MRTFB: variants seen among roughly 807,000 people sequenced by gnomAD.
MRTFB encodes myocardin related transcription factor B, also known as myocardin-related transcription factor B.
MRTFB carries 29 observed loss-of-function variants against 104.2 expected under a neutral mutation model. That is an observed-to-expected ratio of 0.28 (90% CI 0.21 to 0.38). The LOEUF (loss-of-function observed/expected upper bound fraction) is 0.38. Among genes scored for constraint, MRTFB ranks in the 10% least tolerant of loss-of-function variants. The pLI is 1.00. For missense variants in MRTFB, 1,270 were observed against 1,341.6 expected (o/e 0.95, Z 0.83); for synonymous variants, 535 against 519.5 (o/e 1.03, Z -0.41).
intron 2 of MRTFB, among the ~76,000 whole-genome samples, chr16:14,121,245 C>T (rs1040692600): frequency 5.2e-4 from 78 of 148,900 alleles, no homozygotes; most frequent in African/African-American, 1.5e-3. Context: ...ATTTTTTCCC[C>T]TTTCTACTTT....
chr16:13,998,870 T>TAAA, the MRTFB span, among the ~76,000 whole-genome samples: 1 of 24,728 alleles, frequency 4.0e-5, no homozygotes, highest in East Asian at 9.1e-4. Flanking sequence ...AGACTCTGTT[T>TAAA]CAAAAAAAAA....
At chr16:14,228,956 G>A (rs576235781) in intron 8 of MRTFB, among the ~76,000 whole-genome samples, 1 of 152,278 alleles carries the variant, frequency 6.6e-6, no homozygotes, top group Non-Finnish European at 1.5e-5. Flanking sequence ...TGGGTATAGT[G>A]TATTGCTTGG....
At chr16:14,190,999 T>C (rs2040157269) in intron 3 of MRTFB, among the ~76,000 whole-genome samples, 1 of 152,196 alleles carries the variant, frequency 6.6e-6, no homozygotes, top group Non-Finnish European at 1.5e-5. Flanking sequence ...TATAGTAGCT[T>C]TGAGAAGAAA....
the MRTFB span, among the ~76,000 whole-genome samples, chr16:14,007,339 G>T: frequency 6.6e-6 from 1 of 152,154 alleles, no homozygotes. Context: ...ATGGAATCAT[G>T]GACCTTTGAA....
the MRTFB span, among the ~76,000 whole-genome samples, chr16:14,052,144 TG>T: frequency 3.6e-3 from 552 of 152,078 alleles, 12 homozygotes; most frequent in South Asian, 0.045. Flanking sequence ...GGGTTTTGCA[TG>T]GGGGGGTGCT....
intron 9 of MRTFB, among the ~76,000 whole-genome samples, chr16:14,237,486 A>G (rs2042572729): frequency 6.6e-6 from 1 of 152,250 alleles, no homozygotes; most frequent in Non-Finnish European, 1.5e-5. Flanking sequence ...CTGAAAGCTT[A>G]GTTGGAGTGG....
chr16:14,225,606 A>T lies in MRTFB; in HGVS notation c.693+6608A>T, dbSNP rs117503021. ...AGAGAGAAATATTTTATAGGAACTT[A>T]AAAACAGAAGCAATGTCTTGGGTGG... On this transcript the variant is annotated intron_variant, in intron 8 of 16. Coordinates refer to ENST00000571589, the MANE Select transcript of MRTFB (RefSeq NM_001308142.2). Among the ~76,000 whole-genome samples the T allele has an allele frequency of 7.0e-3, 1,062 of 152,352 alleles. 7 individuals carry two copies. The highest frequency in any genetic ancestry group is 0.027 in the South Asian group (130 of 4,826).
At chr16:14,253,962 G>A (rs546407903) in intron 15 of MRTFB, among the ~76,000 whole-genome samples, 3 of 152,336 alleles carry the variant, frequency 2.0e-5, no homozygotes, top group East Asian at 1.9e-4. Flanking sequence ...GAGCAGAGAC[G>A]AAGTGAATTG....
the MRTFB span, among the ~76,000 whole-genome samples, chr16:14,033,771 G>GGCT: frequency 6.7e-6 from 1 of 149,410 alleles, no homozygotes; most frequent in South Asian, 2.1e-4. Context: ...AGGAGACAGA[G>GGCT]GCTGCAGTGT....
intron 8 of MRTFB, 79 bp downstream of exon 8, chr16:14,219,077 A>C: frequency 7.7e-7 from 1 of 1,305,900 alleles, no homozygotes; most frequent in Non-Finnish European, 1.0e-6. Flanking sequence ...ATACACTTTG[A>C]CCAGAAGAAA....
At chr16:14,244,693 A>G (rs2151390021) in intron 10 of MRTFB, among the ~76,000 whole-genome samples, 1 of 152,328 alleles carries the variant, frequency 6.6e-6, no homozygotes, top group South Asian at 2.1e-4. Flanking sequence ...CCATTGGGAT[A>G]TACATTCTTG....
At chr16:14,047,646 T>C in the MRTFB span, among the ~76,000 whole-genome samples, 13 of 152,130 alleles carry the variant, frequency 8.5e-5, no homozygotes, top group African/African-American at 3.1e-4. Context: ...CAGGAGAGAC[T>C]GAAAGCCAAG....
At chr16:14,198,567 C>T (rs919986558) in intron 3 of MRTFB, among the ~76,000 whole-genome samples, 17 of 152,208 alleles carry the variant, frequency 1.1e-4, no homozygotes, top group East Asian at 5.8e-4. Context: ...TGGAGCATTT[C>T]GGTAATGCAT....
At chr16:14,136,255 C>T (rs1188698352) in intron 2 of MRTFB, among the ~76,000 whole-genome samples, 1 of 151,640 alleles carries the variant, frequency 6.6e-6, no homozygotes, top group African/African-American at 2.4e-5. Context: ...GCCTGGGTGA[C>T]AGAGCGAGAC....
At chr16:14,026,818 A>G in the MRTFB span, among the ~76,000 whole-genome samples, 3 of 152,198 alleles carry the variant, frequency 2.0e-5, no homozygotes, top group Admixed American at 6.5e-5. Flanking sequence ...ATCTTTGGCT[A>G]TTAGGGAATT....
intron 3 of MRTFB, among the ~76,000 whole-genome samples, chr16:14,175,163 G>T (rs1264443637): frequency 6.6e-6 from 1 of 151,874 alleles, no homozygotes; most frequent in Non-Finnish European, 1.5e-5. Flanking sequence ...CATATTTATT[G>T]AACTATAATT....
At chr16:14,054,527 T>C in the MRTFB span, among the ~76,000 whole-genome samples, 33 of 152,200 alleles carry the variant, frequency 2.2e-4, no homozygotes, top group African/African-American at 7.7e-4. Flanking sequence ...CTTTTCATTC[T>C]TTAGCTCTCA....
chr16:14,114,963 G>C (rs1345063417), intron 2 of MRTFB, among the ~76,000 whole-genome samples: 1 of 152,128 alleles, frequency 6.6e-6, no homozygotes. Context: ...GGTATTTTTT[G>C]AATGAAAGGA....
chr16:14,098,092 T>C (rs1280127798), intron 2 of MRTFB, among the ~76,000 whole-genome samples: 3 of 152,210 alleles, frequency 2.0e-5, no homozygotes, highest in Non-Finnish European at 4.4e-5. Flanking sequence ...GTATGGACTC[T>C]GTTATCTCTT....
Sources: allele counts gnomAD v4.1 joint callset (sites outside exome capture counted in the v4.1 genomes callset), GRCh38; gene constraint gnomAD v4.1.1; transcripts MANE v1.5; gene names NCBI Gene and HGNC (gene_info 2026-07-23, HGNC 2026-07-21).